The following SCHIP1 variants were observed in gnomAD, a reference collection of about 807,000 sequenced individuals.
The protein encoded by SCHIP1 is schwannomin interacting protein 1.
Under a neutral mutation model 29.7 loss-of-function variants are expected in SCHIP1, and 8 were observed. The observed-to-expected ratio is 0.27, with a 90% CI of 0.16 to 0.49. The LOEUF (loss-of-function observed/expected upper bound fraction) is 0.49. Ranked by LOEUF, SCHIP1 falls within the 20% of genes least tolerant of loss-of-function variation. SCHIP1 has a pLI of 0.99. For synonymous variants in SCHIP1, 76 were observed against 94.9 expected (o/e 0.80, Z 1.16); for missense variants, 193 against 294.6 (o/e 0.66, Z 2.52).
chr3:159,742,646 A>AT, the SCHIP1 span, among the ~76,000 whole-genome samples: 6 of 151,492 alleles, frequency 4.0e-5, no homozygotes, highest in Non-Finnish European at 8.8e-5. Context: ...ATTCTGATTC[A>AT]TTTTGGATAC....
the SCHIP1 span, among the ~76,000 whole-genome samples, chr3:159,564,538 G>A: frequency 1.3e-5 from 2 of 152,044 alleles, no homozygotes; most frequent in Non-Finnish European, 2.9e-5. Context: ...CACCATGCCT[G>A]GCTAATTTTG....
At chr3:159,393,649 C>A in the SCHIP1 span, among the ~76,000 whole-genome samples, 7 of 149,824 alleles carry the variant, frequency 4.7e-5, no homozygotes, top group African/African-American at 1.7e-4. Flanking sequence ...TTTCTGAGGG[C>A]TCTGTTCTGT....
At chr3:159,438,294 C>T in the SCHIP1 span, among the ~76,000 whole-genome samples, 1 of 152,086 alleles carries the variant, frequency 6.6e-6, no homozygotes. Context: ...ACTACAGAAG[C>T]CTGGTTGAGA....
At chr3:159,545,686 TATA>T in the SCHIP1 span, among the ~76,000 whole-genome samples, 11 of 147,918 alleles carry the variant, frequency 7.4e-5, no homozygotes, top group East Asian at 1.9e-4. Context: ...TATAGTATTA[TATA>T]ATAAAATTGT....
the SCHIP1 span, among the ~76,000 whole-genome samples, chr3:159,826,313 G>A: frequency 3.3e-5 from 5 of 152,098 alleles, no homozygotes; most frequent in Non-Finnish European, 7.4e-5. Flanking sequence ...TGAAATTAGG[G>A]TCAAAGTTCT....
the SCHIP1 span, among the ~76,000 whole-genome samples, chr3:159,769,607 G>T: frequency 3.4e-3 from 511 of 151,948 alleles, 1 homozygote; most frequent in African/African-American, 0.012. Context: ...AAAATTAGCC[G>T]GGCATGGTGG....
At chr3:159,839,873 CTATAA>C (rs1744048164) in exon 1 of SCHIP1, 2 of 1,379,276 alleles carry the variant, frequency 1.5e-6, no homozygotes, top group African/African-American at 1.5e-5. Flanking sequence ...TTCTTTGTGC[CTATAA>C]TATAATTGGC....
the SCHIP1 span, among the ~76,000 whole-genome samples, chr3:159,505,566 G>A: frequency 6.6e-6 from 1 of 152,136 alleles, no homozygotes; most frequent in Non-Finnish European, 1.5e-5. Context: ...TTGGTGTGCT[G>A]CACCCATTAA....
chr3:159,463,633 AAT>A, the SCHIP1 span, among the ~76,000 whole-genome samples: 1 of 151,974 alleles, frequency 6.6e-6, no homozygotes, highest in Non-Finnish European at 1.5e-5. Flanking sequence ...AAGCTAATAA[AAT>A]ATGTTCTGTC....
chr3:159,412,321 A>G, the SCHIP1 span, among the ~76,000 whole-genome samples: 1 of 152,216 alleles, frequency 6.6e-6, no homozygotes, highest in Admixed American at 6.5e-5. Flanking sequence ...GAGGATTATT[A>G]TCAAACTTAG....
chr3:159,627,937 G>A, the SCHIP1 span, among the ~76,000 whole-genome samples: 1 of 152,326 alleles, frequency 6.6e-6, no homozygotes, highest in South Asian at 2.1e-4. Context: ...TCATTTGGCT[G>A]GAGGAAAGGG....
At chr3:159,729,167 A>G in the SCHIP1 span, among the ~76,000 whole-genome samples, 1 of 152,092 alleles carries the variant, frequency 6.6e-6, no homozygotes, top group African/African-American at 2.4e-5. Flanking sequence ...AAGAAAAGAA[A>G]AAAAGAAAAG....
chr3:159,398,467 G>T, the SCHIP1 span, among the ~76,000 whole-genome samples: 24 of 152,236 alleles, frequency 1.6e-4, no homozygotes, highest in Admixed American at 4.6e-4. Context: ...TTTAATTTAG[G>T]AAATGAAATA....
At chr3:159,810,784 G>T in the SCHIP1 span, among the ~76,000 whole-genome samples, 1 of 152,124 alleles carries the variant, frequency 6.6e-6, no homozygotes, top group Non-Finnish European at 1.5e-5. Flanking sequence ...ATACATCTTT[G>T]TGTAGATGTA....
chr3:159,671,460 G>T, the SCHIP1 span, among the ~76,000 whole-genome samples: 1 of 152,162 alleles, frequency 6.6e-6, no homozygotes, highest in Non-Finnish European at 1.5e-5. Flanking sequence ...TCACTCCCAA[G>T]GCTCTTTCTC....
chr3:159,750,286 TATATATATATAC>T, the SCHIP1 span, among the ~76,000 whole-genome samples: 5 of 110,250 alleles, frequency 4.5e-5, no homozygotes, highest in African/African-American at 1.3e-4. Flanking sequence ...TATATATATA[TATATATATATAC>T]ACACACACAC....
chr3:159,680,630 T>G, the SCHIP1 span, among the ~76,000 whole-genome samples: 1 of 86,918 alleles, frequency 1.2e-5, no homozygotes, highest in Non-Finnish European at 2.1e-5. Flanking sequence ...ATAATATATA[T>G]TTTATATATT....
At chr3:159,866,532 G>A (rs948071230) in intron 2 of SCHIP1, among the ~76,000 whole-genome samples, 1 of 151,276 alleles carries the variant, frequency 6.6e-6, no homozygotes, top group Non-Finnish European at 1.5e-5. Context: ...TTTTTTTCTA[G>A]CCACAATACT....
chr3:159,793,268 C>T, the SCHIP1 span, among the ~76,000 whole-genome samples: 1 of 152,130 alleles, frequency 6.6e-6, no homozygotes, highest in African/African-American at 2.4e-5. Flanking sequence ...GTCTCTCTGT[C>T]TCTCTCAGCT....
Sources: gnomAD v4.1 joint callset for allele counts (sites outside exome capture counted in the v4.1 genomes callset) on GRCh38, gnomAD v4.1.1 for gene constraint, MANE v1.5 for transcripts, NCBI Gene and HGNC (gene_info 2026-07-23, HGNC 2026-07-21) for gene names.